MAP3K2: variants seen among roughly 807,000 people sequenced by gnomAD.
MAP3K2 encodes mitogen-activated protein kinase kinase kinase 2.
Under a neutral mutation model 80.3 loss-of-function variants are expected in MAP3K2, and 24 were observed. The ratio of observed to expected loss-of-function variants is 0.30; its 90% CI spans 0.22 to 0.42. The LOEUF (loss-of-function observed/expected upper bound fraction) is 0.42, where lower values mean the gene tolerates loss of function less well. Among genes scored for constraint, MAP3K2 ranks in the 10% least tolerant of loss-of-function variants. The pLI is 1.00. For synonymous variants in MAP3K2, 244 were observed against 253.7 expected (o/e 0.96, Z 0.36); for missense variants, 608 against 750.1 (o/e 0.81, Z 2.21).
intron 1 of MAP3K2, among the ~76,000 whole-genome samples, chr2:127,370,368 C>T (rs1390715772): frequency 2.0e-5 from 3 of 152,126 alleles, no homozygotes; most frequent in Non-Finnish European, 4.4e-5. Flanking sequence ...GGGTCGGACC[C>T]GGAAGGTAGA....
chr2:127,333,507 C>T (rs141987151), intron 5 of MAP3K2, among the ~76,000 whole-genome samples: 2 of 152,202 alleles, frequency 1.3e-5, no homozygotes, highest in East Asian at 3.9e-4. Flanking sequence ...TTTTGCCTGA[C>T]CACATGTCCA....
At chr2:127,372,192 T>C (rs1028498909) in intron 1 of MAP3K2, among the ~76,000 whole-genome samples, 6 of 152,178 alleles carry the variant, frequency 3.9e-5, no homozygotes, top group African/African-American at 9.7e-5. Context: ...GGGTAACTGA[T>C]AGTGATTATT....
intron 1 of MAP3K2, among the ~76,000 whole-genome samples, chr2:127,358,917 T>TC (rs1383984980): frequency 0.038 from 5,054 of 133,328 alleles, 116 homozygotes; most frequent in Middle Eastern, 0.081. Context: ...TCCAAAACAA[T>TC]AAAAAAAAAA....
intron 11 of MAP3K2, among the ~76,000 whole-genome samples, chr2:127,323,211 T>A (rs1219087905): frequency 6.6e-6 from 1 of 151,742 alleles, no homozygotes; most frequent in Non-Finnish European, 1.5e-5. Flanking sequence ...GAGACCAGCC[T>A]GGCCAACATG....
At position 127,365,116 on chromosome 2, in the gene MAP3K2, C is replaced by CAAAAAAAAAAAAAAAAAAA. The variant is rs10558890; in HGVS notation, c.-65-21941_-65-21923dup. Among the ~76,000 whole-genome samples, 7 of 31,654 alleles carry CAAAAAAAAAAAAAAAAAAA rather than the reference C, an allele frequency of 2.2e-4. 2 individuals are homozygous for CAAAAAAAAAAAAAAAAAAA. Among genetic ancestry groups the CAAAAAAAAAAAAAAAAAAA allele is most frequent in the Non-Finnish European group, 3.5e-4 (6 of 17,146 alleles). The allele number at this position is 31,654 out of a possible 152,430, so 20.8% of individuals were successfully genotyped here. On this transcript the variant is annotated intron_variant, in intron 1 of 16. Coordinates refer to ENST00000682094, the MANE Select transcript of MAP3K2 (RefSeq NM_001371910.2). ...TGGGCGACAGAGTGAGACTCTGCCT[C>CAAAAAAAAAAAAAAAAAAA]AAAAAAAAAAAAAAAAAAAAAAAAA...
chr2:127,306,578 AGGGATGT>A lies in MAP3K2; in HGVS notation c.*994_*1000del, dbSNP rs1222995333. On this transcript the variant is annotated 3_prime_UTR_variant, in exon 17 of 17. Transcript: ENST00000682094. This position sits in a 1 kb window ranked among gnomAD's most constrained non-coding sequence, Gnocchi z 4.7. ...TTACTAATTGAACTCTTCGCTCCTA[AGGGATGT>A]TACCTATGGGGAATCAGGAGCTGGA... is the stretch of plus-strand genomic sequence containing the variant. The A allele has an allele frequency of 2.0e-5, 3 of 152,178 alleles. No individual in the cohort carries two copies. The highest frequency in any genetic ancestry group is 7.2e-5 in the African/African-American group (3 of 41,448). 9.4% of individuals were successfully genotyped at this position (152,178 alleles called of 1,614,324 possible). A position where few individuals can be genotyped will look rare whatever the true frequency, so the allele number is the denominator to read the frequency against.
intron 13 of MAP3K2, 42 bp from the exon 14 acceptor site, chr2:127,317,802 T>A: frequency 3.2e-6 from 5 of 1,556,818 alleles, no homozygotes; most frequent in Admixed American, 4.0e-5. Context: ...ACAATGTCAG[T>A]AAAAGCAAAA....
chr2:127,373,699 G>A (rs1687103065), intron 1 of MAP3K2, among the ~76,000 whole-genome samples: 1 of 152,136 alleles, frequency 6.6e-6, no homozygotes, highest in South Asian at 2.1e-4. Context: ...AGACAGATGG[G>A]CCCAGAGCTA....
chr2:127,329,837 T>G, intron 7 of MAP3K2, 84 bp downstream of exon 7: 2 of 740,912 alleles, frequency 2.7e-6, no homozygotes, highest in Non-Finnish European at 4.7e-6. Flanking sequence ...TTATCAGGAA[T>G]ATGTTTAGGT....
rs57472022 is a variant in MAP3K2, at chr2:127,319,650, C to CA, written c.1046-1334dup. The stretch of plus-strand genomic sequence containing the variant: ...TGAAACCCCATCTCTACTAAAAATA[C>CA]AAAAAAAAAAAAAAAAAAAAAAAAA... On this transcript the variant is annotated intron_variant, in intron 12 of 16. Transcript: ENST00000682094. 8.1e-3 allele frequency among the ~76,000 whole-genome samples: 584 copies of CA among 71,812 alleles called. 13 individuals are homozygous for CA. Among genetic ancestry groups the CA allele is most frequent in the African/African-American group, 0.025 (429 of 17,358 alleles). The allele number at this position is 71,812 out of a possible 152,430, so 47.1% of individuals were successfully genotyped here. A position where few individuals can be genotyped will look rare whatever the true frequency, so the allele number is the denominator to read the frequency against.
intron 8 of MAP3K2, 83 bp downstream of exon 8, chr2:127,326,604 C>A: frequency 1.0e-6 from 1 of 1,000,674 alleles, no homozygotes; most frequent in East Asian, 2.9e-5. Context: ...ATAATACACA[C>A]ACACACCCAG....
intron 1 of MAP3K2, among the ~76,000 whole-genome samples, chr2:127,386,539 T>G (rs976899): frequency 0.012 from 1,797 of 152,324 alleles, 33 homozygotes; most frequent in African/African-American, 0.041. Context: ...AAGGTCAAAC[T>G]ACAAAAGTAA....
Position 127,339,252 on chromosome 2 carries a change from CAT to C in MAP3K2, c.5-204_5-203del, listed in dbSNP as rs1344135364. On this transcript the variant is annotated intron_variant, in intron 2 of 16. Transcript: ENST00000682094. This position sits in a 1 kb window ranked among gnomAD's most constrained non-coding sequence, Gnocchi z 4.2. Reference sequence around the variant, plus strand: ...ACTTAATCTCTAGCATCAGTCCACACATGAGACACTAATGGACAAGATGAAGT... The same window carrying C: ...ACTTAATCTCTAGCATCAGTCCACACGAGACACTAATGGACAAGATGAAGT... 2.0e-5 allele frequency among the ~76,000 whole-genome samples: 3 copies of C among 152,234 alleles called. No homozygotes were observed. The highest frequency in any genetic ancestry group is 2.1e-4 in the South Asian group (1 of 4,834).
At chr2:127,384,973 T>C (rs1687318426) in intron 1 of MAP3K2, among the ~76,000 whole-genome samples, 1 of 152,052 alleles carries the variant, frequency 6.6e-6, no homozygotes, top group South Asian at 2.1e-4. Context: ...CTACTCCTAG[T>C]GAAGATGATG....
chr2:127,301,239 A>T lies in MAP3K2; in HGVS notation c.*6340T>A, dbSNP rs929761162. 3 of 152,242 alleles carry T rather than the reference A, an allele frequency of 2.0e-5. No individual in the cohort carries two copies. The highest frequency in any genetic ancestry group is 2.0e-4 in the Admixed American group (3 of 15,282). 9.4% of individuals were successfully genotyped at this position (152,242 alleles called of 1,614,324 possible). A position where few individuals can be genotyped will look rare whatever the true frequency, so the allele number is the denominator to read the frequency against. ...TGCTGAAATGCCCCTCAAGTCAAAC[A>T]TAAGTTCATAAATGTTAAGACACTA... On this transcript the variant is annotated 3_prime_UTR_variant, in exon 17 of 17. Coordinates refer to ENST00000682094, the MANE Select transcript of MAP3K2 (RefSeq NM_001371910.2).
chr2:127,300,180 CAT>C lies in MAP3K2; in HGVS notation c.*7397_*7398del, dbSNP rs1357974632. On this transcript the variant is annotated 3_prime_UTR_variant, in exon 17 of 17. Coordinates refer to ENST00000682094, the MANE Select transcript of MAP3K2 (RefSeq NM_001371910.2). ...GGCTACATCTTGAAAGAAGTTAAAA[CAT>C]AAAGACACAGACAGTAGTTCAATGC... 2 of 152,112 alleles carry C rather than the reference CAT, an allele frequency of 1.3e-5. No individual in the cohort carries two copies. Among genetic ancestry groups the C allele is most frequent in the African/African-American group, 4.8e-5 (2 of 41,444 alleles). The allele number at this position is 152,112 out of a possible 1,614,324, so 9.4% of individuals were successfully genotyped here.
At position 127,362,962 on chromosome 2, in the gene MAP3K2, G is replaced by A. The variant is rs185106482; in HGVS notation, c.-65-19768C>T. Among the ~76,000 whole-genome samples, 421 of 152,096 alleles carry A rather than the reference G, an allele frequency of 2.8e-3. 2 individuals carry two copies. Among genetic ancestry groups the A allele is most frequent in the Admixed American group, 4.5e-3 (69 of 15,278 alleles). ...GTGTGGATTCAACCAACTGGAGATC[G>A]AAAACAAATTTAATTTAAAATAATG... On this transcript the variant is annotated intron_variant, in intron 1 of 16. Coordinates refer to ENST00000682094, the MANE Select transcript of MAP3K2 (RefSeq NM_001371910.2).
chr2:127,379,098 A>G (rs933879100), intron 1 of MAP3K2, among the ~76,000 whole-genome samples: 5 of 149,634 alleles, frequency 3.3e-5, no homozygotes, highest in African/African-American at 1.2e-4. Flanking sequence ...TTGGGATTAC[A>G]GGCATGAGCC....
intron 5 of MAP3K2, among the ~76,000 whole-genome samples, chr2:127,334,017 T>C (rs1485165159): frequency 6.6e-6 from 1 of 152,126 alleles, no homozygotes; most frequent in Non-Finnish European, 1.5e-5. Context: ...GAAGATCGCT[T>C]GAGTCCTGGG....
Sources: allele counts gnomAD v4.1 joint callset (sites outside exome capture counted in the v4.1 genomes callset), GRCh38; gene constraint gnomAD v4.1.1; non-coding constraint Gnocchi (gnomAD v3.1); transcripts MANE v1.5; gene names NCBI Gene and HGNC (gene_info 2026-07-23, HGNC 2026-07-21).